NUP50: variants seen among roughly 807,000 people sequenced by gnomAD.
NUP50 encodes the protein nuclear pore complex protein Nup50.
A neutral mutation model predicts 36.8 loss-of-function variants in NUP50; 14 were observed. The observed-to-expected ratio is 0.38, with a 90% CI of 0.25 to 0.59. The LOEUF (loss-of-function observed/expected upper bound fraction) is 0.59, where lower values mean the gene tolerates loss of function less well. Ranked by LOEUF, NUP50 falls within the 20% of genes least tolerant of loss-of-function variation. The pLI, the probability that NUP50 is intolerant of heterozygous loss-of-function variation, is 0.63. For synonymous variants in NUP50, 195 were observed against 210.8 expected (o/e 0.93, Z 0.65); for missense variants, 455 against 564.6 (o/e 0.81, Z 1.97).
At chr22:45,182,898 C>T (rs1362632483) in intron 6 of NUP50, among the ~76,000 whole-genome samples, 2 of 151,696 alleles carry the variant, frequency 1.3e-5, no homozygotes, top group Admixed American at 1.3e-4. Context: ...TGCTGGGATA[C>T]AGGCGTGAGC....
rs747520929 is a variant in NUP50 at position 45,178,379 on chromosome 22, C to T, written c.482C>T (p.Ala161Val). The change falls in exon 5 of 8, where the codon GCC (alanine) becomes GTC (valine). Residue 161 changes from alanine to valine, a missense_variant. Physicochemically the swap from Ala to Val is moderately conservative, Grantham distance 64. Coordinates refer to ENST00000347635, the MANE Select transcript of NUP50 (RefSeq NM_007172.4). ...CVGNAYHKQL[A>V]ALNCSVRDWI... is the part of the protein sequence containing the mutation. Reference sequence around the variant, plus strand: ...GGAAATGCCTATCACAAGCAGTTGGCCGCCTTGAACTGCTCCGTGCGGGAT... The same window carrying T: ...GGAAATGCCTATCACAAGCAGTTGGTCGCCTTGAACTGCTCCGTGCGGGAT... The T allele has an allele frequency of 1.6e-5, 26 of 1,613,798 alleles. No individual in the cohort carries two copies. The highest frequency in any genetic ancestry group is 2.1e-5 in the Non-Finnish European group (25 of 1,179,826).
chr22:45,186,136 G>C lies in NUP50; in HGVS notation c.*1481G>C, dbSNP rs1318606886. On this transcript the variant is annotated 3_prime_UTR_variant, in exon 8 of 8. Coordinates refer to ENST00000347635, the MANE Select transcript of NUP50 (RefSeq NM_007172.4). ...TGTGATTGGGCCAATGTTGGCATGA[G>C]GTTCTTGCTCTACTTCCAGTGTTTT... 6.6e-6 allele frequency: 1 copy of C among 152,230 alleles called. No individual in the cohort carries two copies. The highest frequency in any genetic ancestry group is 2.4e-5 in the African/African-American group (1 of 41,454). The allele number at this position is 152,230 out of a possible 1,614,324, so 9.4% of individuals were successfully genotyped here. A position where few individuals can be genotyped will look rare whatever the true frequency, so the allele number is the denominator to read the frequency against.
At chr22:45,179,046 C>T (rs2147694700) in intron 5 of NUP50, 146 bp downstream of exon 5, 2 of 694,110 alleles carry the variant, frequency 2.9e-6, no homozygotes, top group Non-Finnish European at 4.6e-6. Context: ...AGCTAATCAG[C>T]TTCTCTGAGT....
intron 6 of NUP50, among the ~76,000 whole-genome samples, chr22:45,182,903 G>A (rs999880433): frequency 2.0e-5 from 3 of 151,834 alleles, no homozygotes; most frequent in Admixed American, 6.6e-5. Context: ...GGATACAGGC[G>A]TGAGCCACCG....
intron 7 of NUP50, chr22:45,184,055 C>T (rs1034443135): frequency 9.1e-6 from 2 of 220,124 alleles, no homozygotes; most frequent in East Asian, 1.1e-4. Context: ...TCACTTTTGC[C>T]CAGGGAGCTG....
chr22:45,184,813 A>G lies in NUP50; in HGVS notation c.*158A>G. On this transcript the variant is annotated 3_prime_UTR_variant, in exon 8 of 8. Coordinates refer to ENST00000347635, the MANE Select transcript of NUP50 (RefSeq NM_007172.4). The stretch of plus-strand genomic sequence containing the variant: ...TTAATGTGGCCAATAAAACCTTTAA[A>G]TGTTAAGTGTCAAGAAACTGCACTC... 1.6e-6 allele frequency: 1 copy of G among 632,852 alleles called. No individual in the cohort carries two copies. Among genetic ancestry groups the G allele is most frequent in the Non-Finnish European group, 2.8e-6 (1 of 352,524 alleles). The allele number at this position is 632,852 out of a possible 1,614,324, so 39.2% of individuals were successfully genotyped here.
chr22:45,171,664 G>A lies in NUP50; in HGVS notation c.134G>A (p.Arg45His), dbSNP rs373097033. 3.1e-5 allele frequency: 50 copies of A among 1,614,024 alleles called. No individual in the cohort carries two copies. The highest frequency in any genetic ancestry group is 2.7e-4 in the South Asian group (25 of 91,080). Residue 45 changes from arginine to histidine, a missense_variant, in exon 3 of 8, where the codon CGC (arginine) becomes CAC (histidine). Around this residue, in one of 3 missense-constraint regions of NUP50, gnomAD observed 166 missense variants for 202.8 expected, o/e 0.82. Coordinates refer to ENST00000347635, the MANE Select transcript of NUP50 (RefSeq NM_007172.4). ...AATAGAGCCATAAAGAAAGCAAAGC[G>A]CAGAAATGTTGGATTTGAAGTGAGT... ...LKNRAIKKAK[R>H]RNVGFESDTG...
At chr22:45,166,368 A>T (rs575773865) in intron 1 of NUP50, 2 of 145,426 alleles carry the variant, frequency 1.4e-5, no homozygotes, top group Non-Finnish European at 3.0e-5. Context: ...GCTCACTGCA[A>T]CCTCCACCTC....
At chr22:45,164,988 G>GT (rs2074072622) in intron 1 of NUP50, 1 of 152,128 alleles carries the variant, frequency 6.6e-6, no homozygotes, top group South Asian at 2.1e-4. Context: ...CCCCCTTGTT[G>GT]TTTTCCTCCA....
chr22:45,179,105 T>G (rs9615054), intron 5 of NUP50: 221,945 of 471,592 alleles, frequency 0.47, 54,755 homozygotes, highest in Middle Eastern at 0.57. Context: ...GGGTTGTTTA[T>G]AAGGATTAAA....
At chr22:45,165,233 T>A (rs1409392895) in intron 1 of NUP50, among the ~76,000 whole-genome samples, 4 of 152,236 alleles carry the variant, frequency 2.6e-5, no homozygotes, top group Admixed American at 2.6e-4. Flanking sequence ...AAACGTTTTT[T>A]AAATTCCCTT....
At chr22:45,181,219 A>G in intron 5 of NUP50, 67 bp from the exon 6 acceptor site, 1 of 1,169,010 alleles carries the variant, frequency 8.6e-7, no homozygotes. Flanking sequence ...GTTACGTAAC[A>G]AAACTTCAGT....
At chr22:45,168,336 T>A in intron 2 of NUP50, 90 bp downstream of exon 2, 1 of 896,128 alleles carries the variant, frequency 1.1e-6, no homozygotes, top group Non-Finnish European at 1.8e-6. Context: ...GTGACAGAAC[T>A]AAAAGACCTT....
chr22:45,164,225 A>ACCCCTGCG lies in NUP50; in HGVS notation c.-79_-72dup, dbSNP rs974239782. 1.3e-5 allele frequency: 2 copies of ACCCCTGCG among 152,050 alleles called. No homozygotes were observed. The highest frequency in any genetic ancestry group is 4.8e-5 in the African/African-American group (2 of 41,388). The allele number at this position is 152,050 out of a possible 1,614,324, so 9.4% of individuals were successfully genotyped here. A position where few individuals can be genotyped will look rare whatever the true frequency, so the allele number is the denominator to read the frequency against. On this transcript the variant is annotated 5_prime_UTR_variant, in exon 1 of 8. Transcript: ENST00000347635. ...GCCCGGCGACCCCTGCGGGCTCCAG[A>ACCCCTGCG]CCCCTGCGCCGCTGCGCCCCGGGTT...
Position 45,177,076 on chromosome 22 carries a change from T to C in NUP50, c.340+996T>C, listed in dbSNP as rs1273893437. ...TTTTAACTACAGCCATCCCCTAGTA[T>C]CCTGGGGATTGGTTTCAGCACCCCC... On this transcript the variant is annotated intron_variant, in intron 4 of 7. Coordinates refer to ENST00000347635, the MANE Select transcript of NUP50 (RefSeq NM_007172.4). Among the ~76,000 whole-genome samples the C allele has an allele frequency of 2.0e-5, 3 of 152,068 alleles. No individual in the cohort carries two copies. The East Asian group carries it at 5.8e-4, about 29-fold the overall frequency.
At chr22:45,178,921 T>C (rs1000349013) in intron 5 of NUP50, 21 bp downstream of exon 5, 9 of 1,583,842 alleles carry the variant, frequency 5.7e-6, no homozygotes, top group Non-Finnish European at 7.7e-6. Flanking sequence ...GCTTTGTCGT[T>C]GAGTCGAGGT....
intron 4 of NUP50, among the ~76,000 whole-genome samples, chr22:45,177,460 C>T (rs1382274395): frequency 2.0e-5 from 3 of 152,132 alleles, no homozygotes; most frequent in Non-Finnish European, 2.9e-5. Flanking sequence ...GGATTACATG[C>T]GTGAGCCACC....
At chr22:45,181,818 T>G (rs1228357765) in intron 6 of NUP50, among the ~76,000 whole-genome samples, 3 of 152,198 alleles carry the variant, frequency 2.0e-5, no homozygotes, top group African/African-American at 7.2e-5. Context: ...AGTCAAAAAG[T>G]TAAGCACAGT....
intron 7 of NUP50, chr22:45,184,249 G>A: frequency 3.4e-6 from 2 of 587,642 alleles, no homozygotes; most frequent in Non-Finnish European, 6.1e-6. Flanking sequence ...AGGGAGGACG[G>A]AAGGCCACTC....
Sources: gnomAD v4.1 joint callset for allele counts (sites outside exome capture counted in the v4.1 genomes callset) on GRCh38, gnomAD v4.1.1 for gene constraint, gnomAD v4.1.1 regional missense constraint, MANE v1.5 for transcripts, NCBI Gene and HGNC (gene_info 2026-07-23, HGNC 2026-07-21) for gene names.